Variants in LINGO2 observed in about 807,000 individuals in gnomAD.
LINGO2 encodes leucine-rich repeat and immunoglobulin-like domain-containing nogo receptor-interacting protein 2.
In LINGO2, 14 loss-of-function variants were observed where a neutral mutation model predicts 30.6. The ratio of observed to expected loss-of-function variants is 0.46; its 90% CI spans 0.30 to 0.72. The LOEUF is 0.72. Ranked by LOEUF, LINGO2 falls within the 30% of genes least tolerant of loss-of-function variation. The pLI is 0.07. For missense variants in LINGO2, 729 were observed against 751.7 expected, an observed-to-expected ratio of 0.97 and a Z score of 0.35; for synonymous variants, 317 against 288.5, an observed-to-expected ratio of 1.10 and a Z score of -1.00.
At chr9:28,798,376 T>C in the LINGO2 span, among the ~76,000 whole-genome samples, 20 of 152,044 alleles carry the variant, frequency 1.3e-4, no homozygotes, top group Admixed American at 3.9e-4. Context: ...AGTAGAGAAG[T>C]TGACCTTAGC....
At chr9:29,032,598 T>A in the LINGO2 span, among the ~76,000 whole-genome samples, 1 of 152,156 alleles carries the variant, frequency 6.6e-6, no homozygotes, top group Non-Finnish European at 1.5e-5. Context: ...AATCATCTCT[T>A]AGAATCATTC....
chr9:29,040,331 A>G, the LINGO2 span, among the ~76,000 whole-genome samples: 1 of 152,118 alleles, frequency 6.6e-6, no homozygotes, highest in Non-Finnish European at 1.5e-5. Flanking sequence ...CTAAATTATG[A>G]GCTGAAATTA....
chr9:28,308,437 G>T (rs1436790923), intron 3 of LINGO2, among the ~76,000 whole-genome samples: 2 of 143,428 alleles, frequency 1.4e-5, no homozygotes, highest in African/African-American at 5.2e-5. Context: ...AATTCAAGAT[G>T]GATTAAAGAC....
chr9:28,018,015 G>T (rs1474093674), intron 4 of LINGO2, among the ~76,000 whole-genome samples: 2 of 152,064 alleles, frequency 1.3e-5, no homozygotes, highest in Non-Finnish European at 2.9e-5. Context: ...CAGACCCATA[G>T]ACCAATGAAA....
chr9:28,386,897 A>G (rs10968548), intron 2 of LINGO2, among the ~76,000 whole-genome samples: 28,622 of 152,124 alleles, frequency 0.19, 2,948 homozygotes, highest in Middle Eastern at 0.32. Flanking sequence ...CATTATTTCT[A>G]ATTTTTTAAA....
chr9:28,497,039 G>C (rs1190566844), intron 1 of LINGO2, among the ~76,000 whole-genome samples: 1 of 152,184 alleles, frequency 6.6e-6, no homozygotes, highest in Non-Finnish European at 1.5e-5. Flanking sequence ...CAGCTAGTCT[G>C]CTGGACTTCC....
rs550058427 is a variant in LINGO2 at position 28,475,975 on chromosome 9, G to T, written c.-314C>A. The T allele has an allele frequency of 2.2e-3, 340 of 152,684 alleles. 2 individuals are homozygous for T. The highest frequency in any genetic ancestry group is 3.3e-3 in the Non-Finnish European group (225 of 68,026). The allele number at this position is 152,684 out of a possible 1,614,324, so 9.5% of individuals were successfully genotyped here. On this transcript the variant is annotated 5_prime_UTR_variant, in exon 2 of 6. Transcript: ENST00000379992. ...TGTTGGGCTCTTCATGCTGGTAGTG[G>T]CCACTTTCGGTGCTCTGCTCTGAGC... is the stretch of plus-strand genomic sequence containing the variant.
At chr9:28,823,390 T>C in the LINGO2 span, among the ~76,000 whole-genome samples, 1 of 151,920 alleles carries the variant, frequency 6.6e-6, no homozygotes, top group African/African-American at 2.4e-5. Context: ...TATCAAAAGG[T>C]TTTTCCGAAG....
chr9:28,937,179 G>A, the LINGO2 span, among the ~76,000 whole-genome samples: 9 of 152,208 alleles, frequency 5.9e-5, no homozygotes, highest in East Asian at 1.7e-3. Flanking sequence ...TCTCTGGCAT[G>A]CAAAATGCAT....
chr9:28,271,681 C>T (rs1822946467), intron 4 of LINGO2, among the ~76,000 whole-genome samples: 1 of 152,070 alleles, frequency 6.6e-6, no homozygotes, highest in African/African-American at 2.4e-5. Context: ...GAAAAGCCTT[C>T]ATGTGGTATT....
intron 2 of LINGO2, among the ~76,000 whole-genome samples, chr9:28,458,793 C>T (rs933201969): frequency 3.9e-5 from 6 of 152,110 alleles, no homozygotes; most frequent in Non-Finnish European, 7.4e-5. Flanking sequence ...TCTTGAAGGT[C>T]TGCCCTGGCT....
the LINGO2 span, among the ~76,000 whole-genome samples, chr9:28,814,462 T>G: frequency 6.6e-6 from 1 of 152,126 alleles, no homozygotes; most frequent in Non-Finnish European, 1.5e-5. Context: ...AAAATAAGAC[T>G]TCTGATGCCA....
At chr9:28,501,278 G>A (rs940748567) in intron 1 of LINGO2, among the ~76,000 whole-genome samples, 2 of 152,098 alleles carry the variant, frequency 1.3e-5, no homozygotes, top group Non-Finnish European at 2.9e-5. Flanking sequence ...AGCATGCTGC[G>A]TTCTTTGTTT....
chr9:28,214,383 T>G (rs1175040772), intron 4 of LINGO2, among the ~76,000 whole-genome samples: 2 of 151,578 alleles, frequency 1.3e-5, no homozygotes, highest in Admixed American at 1.3e-4. Flanking sequence ...TGCAAAGTCT[T>G]GTCTACACTT....
intron 4 of LINGO2, among the ~76,000 whole-genome samples, chr9:28,217,704 T>G (rs1024180797): frequency 6.6e-6 from 1 of 152,172 alleles, no homozygotes; most frequent in African/African-American, 2.4e-5. Context: ...ATAAAAGATA[T>G]TTGGTGACTT....
the LINGO2 span, among the ~76,000 whole-genome samples, chr9:28,969,402 G>A: frequency 1.3e-5 from 2 of 152,240 alleles, no homozygotes; most frequent in East Asian, 3.9e-4. Context: ...ACTGAAGCAG[G>A]GCTAGGAAAA....
the LINGO2 span, among the ~76,000 whole-genome samples, chr9:28,982,626 A>G: frequency 6.6e-6 from 1 of 152,044 alleles, no homozygotes; most frequent in South Asian, 2.1e-4. Context: ...CTATCCCTTC[A>G]GAGAAAAATT....
chr9:28,131,719 C>G (rs1179576668), intron 4 of LINGO2, among the ~76,000 whole-genome samples: 1 of 152,034 alleles, frequency 6.6e-6, no homozygotes, highest in Non-Finnish European at 1.5e-5. Context: ...TCACAAACTC[C>G]AATAATAAAA....
At chr9:28,753,827 G>A in the LINGO2 span, among the ~76,000 whole-genome samples, 1 of 151,952 alleles carries the variant, frequency 6.6e-6, no homozygotes, top group South Asian at 2.1e-4. Flanking sequence ...AATACTCCAT[G>A]GAGGTGTCAT....
Sources: gnomAD v4.1 joint callset for allele counts (sites outside exome capture counted in the v4.1 genomes callset) on GRCh38, gnomAD v4.1.1 for gene constraint, MANE v1.5 for transcripts, NCBI Gene and HGNC (gene_info 2026-07-23, HGNC 2026-07-21) for gene names.